Variants in CADPS2 observed in about 807,000 individuals in gnomAD.
CADPS2 encodes calcium dependent secretion activator 2.
In CADPS2, 93 loss-of-function variants were observed where a neutral mutation model predicts 172.5. That is an observed-to-expected ratio of 0.54 (90% confidence interval 0.46 to 0.64). The LOEUF (loss-of-function observed/expected upper bound fraction) is 0.64, where lower values mean the gene tolerates loss of function less well. Ranked by LOEUF, CADPS2 falls within the 30% of genes least tolerant of loss-of-function variation. The pLI, the probability that CADPS2 is intolerant of heterozygous loss-of-function variation, is 0.00. For synonymous variants in CADPS2, 546 were observed against 555.2 expected (o/e 0.98, Z 0.23); for missense variants, 1,420 against 1,565.9 (o/e 0.91, Z 1.57).
At chr7:122,656,365 C>T (rs2079792746) in intron 3 of CADPS2, among the ~76,000 whole-genome samples, 1 of 152,090 alleles carries the variant, frequency 6.6e-6, no homozygotes, top group Non-Finnish European at 1.5e-5. Flanking sequence ...GAAAACTTAT[C>T]CCAGGTGGAA....
intron 4 of CADPS2, among the ~76,000 whole-genome samples, chr7:122,626,199 T>C (rs193247232): frequency 6.6e-6 from 1 of 152,218 alleles, no homozygotes; most frequent in Admixed American, 6.5e-5. Context: ...CTCAGCAACA[T>C]AGGGAATCAT....
intron 1 of CADPS2, among the ~76,000 whole-genome samples, chr7:122,769,403 T>A (rs1477764994): frequency 6.6e-6 from 1 of 152,130 alleles, no homozygotes; most frequent in African/African-American, 2.4e-5. Flanking sequence ...CACTGAGCCC[T>A]CCAGGAACAG....
intron 7 of CADPS2, among the ~76,000 whole-genome samples, chr7:122,560,839 G>A (rs940133267): frequency 6.6e-6 from 1 of 152,072 alleles, no homozygotes; most frequent in African/African-American, 2.4e-5. Flanking sequence ...GAACCTTGAG[G>A]TAGCATATAT....
At chr7:122,418,608 T>A (rs532238907) in intron 17 of CADPS2, among the ~76,000 whole-genome samples, 1 of 152,204 alleles carries the variant, frequency 6.6e-6, no homozygotes, top group East Asian at 1.9e-4. Context: ...AGTAGAACAG[T>A]GAACTATGGA....
At chr7:122,654,764 G>C (rs531541936) in intron 3 of CADPS2, among the ~76,000 whole-genome samples, 1 of 152,266 alleles carries the variant, frequency 6.6e-6, no homozygotes, top group African/African-American at 2.4e-5. Context: ...TGACTTTCGA[G>C]TCTTATTATT....
chr7:122,465,132 A>G (rs1266233178), intron 14 of CADPS2, among the ~76,000 whole-genome samples: 3 of 152,226 alleles, frequency 2.0e-5, no homozygotes, highest in Admixed American at 6.5e-5. Context: ...GAGAGAAGGT[A>G]AAAATGAACA....
chr7:122,470,524 C>T (rs191436702), intron 14 of CADPS2, among the ~76,000 whole-genome samples: 1 of 151,680 alleles, frequency 6.6e-6, no homozygotes, highest in Admixed American at 6.6e-5. Context: ...AAGACAGAGC[C>T]TGTTCTGTTA....
At chr7:122,878,551 A>C (rs1821936662) in intron 1 of CADPS2, among the ~76,000 whole-genome samples, 2 of 150,496 alleles carry the variant, frequency 1.3e-5, no homozygotes, top group Non-Finnish European at 3.0e-5. Flanking sequence ...GAGGTAGGAG[A>C]ATGGCGTGAA....
intron 28 of CADPS2, among the ~76,000 whole-genome samples, chr7:122,341,751 G>A (rs1384029833): frequency 1.3e-5 from 2 of 152,084 alleles, no homozygotes; most frequent in Admixed American, 6.6e-5. Context: ...TGGGATTGAC[G>A]GGATCTAGCC....
In CADPS2 at chr7:122,841,822, G is replaced by C. The variant is rs190349363; in HGVS notation, c.339+44177C>G. ...GTCAATACAATAAAAGTTTAGTACT[G>C]TATTTTTTTTACCCTAACTCCTATT... is the stretch of plus-strand genomic sequence containing the variant. On this transcript the variant is annotated intron_variant, in intron 1 of 29. Transcript: ENST00000449022. 6.7e-4 allele frequency among the ~76,000 whole-genome samples: 101 copies of C among 150,760 alleles called. No individual in the cohort carries two copies. The East Asian group carries it at 0.014, about 22-fold the overall frequency.
intron 7 of CADPS2, among the ~76,000 whole-genome samples, chr7:122,562,503 G>C (rs1215047275): frequency 6.6e-6 from 1 of 152,132 alleles, no homozygotes. Flanking sequence ...CCTGCTGAGA[G>C]CTTGATTTTA....
chr7:122,347,949 A>T (rs1368492631), intron 27 of CADPS2, among the ~76,000 whole-genome samples: 1 of 152,250 alleles, frequency 6.6e-6, no homozygotes, highest in African/African-American at 2.4e-5. Context: ...AACAATTTTC[A>T]ATACACAATA....
At chr7:122,733,180 G>A (rs2091850714) in intron 2 of CADPS2, among the ~76,000 whole-genome samples, 1 of 151,366 alleles carries the variant, frequency 6.6e-6, no homozygotes, top group Admixed American at 6.6e-5. Flanking sequence ...CATCTTCAAG[G>A]AAACACAAAA....
intron 8 of CADPS2, among the ~76,000 whole-genome samples, chr7:122,525,436 T>A (rs537173648): frequency 6.6e-6 from 1 of 152,168 alleles, no homozygotes; most frequent in Non-Finnish European, 1.5e-5. Context: ...GAACTTCAAC[T>A]TTACACTTTG....
At chr7:122,570,628 C>A (rs2132503048) in intron 7 of CADPS2, among the ~76,000 whole-genome samples, 1 of 150,320 alleles carries the variant, frequency 6.7e-6, no homozygotes, top group East Asian at 1.9e-4. Context: ...GACTTGGAAC[C>A]AACCCAAATG....
chr7:122,580,526 C>T (rs1462814212), intron 7 of CADPS2, among the ~76,000 whole-genome samples: 1 of 151,534 alleles, frequency 6.6e-6, no homozygotes, highest in Non-Finnish European at 1.5e-5. Context: ...AATTAGAACA[C>T]CTACTTCATT....
intron 9 of CADPS2, among the ~76,000 whole-genome samples, chr7:122,496,317 G>A (rs35337102): frequency 0.075 from 11,369 of 151,926 alleles, 593 homozygotes; most frequent in African/African-American, 0.13. Context: ...GTGCGCTACC[G>A]TATCTGGCTA....
At chr7:122,448,164 G>T (rs981073710) in intron 15 of CADPS2, among the ~76,000 whole-genome samples, 2 of 152,126 alleles carry the variant, frequency 1.3e-5, no homozygotes, top group South Asian at 2.1e-4. Flanking sequence ...AATATTTGTA[G>T]AATAAATCAA....
rs1388191194 is a variant in CADPS2 at position 122,701,653 on chromosome 7, A to G, written c.453+35302T>C. 4 of 431,668 alleles carry G rather than the reference A, an allele frequency of 9.3e-6. 1 individual carries two copies. 26.7% of individuals were successfully genotyped at this position (431,668 alleles called of 1,614,324 possible). On this transcript the variant is annotated intron_variant, in intron 2 of 29. Transcript: ENST00000449022. ...ACAATTAAAACTGATTAGAAAGACA[A>G]GAAGTTCAAATAGCTGGGCATGATA...
Sources: allele counts gnomAD v4.1 joint callset (sites outside exome capture counted in the v4.1 genomes callset), GRCh38; gene constraint gnomAD v4.1.1; transcripts MANE v1.5; gene names NCBI Gene and HGNC (gene_info 2026-07-23, HGNC 2026-07-21).